The following MYO3B variants were observed in gnomAD, a reference collection of about 807,000 sequenced individuals.
MYO3B encodes the protein myosin IIIB.
Under a neutral mutation model 174.6 loss-of-function variants are expected in MYO3B, and 156 were observed. The ratio of observed to expected loss-of-function variants is 0.89; its 90% CI spans 0.78 to 1.02. MYO3B has a LOEUF of 1.02. Among genes scored for constraint, MYO3B ranks in the 50% least tolerant of loss-of-function variants. MYO3B has a pLI of 0.00. For synonymous variants in MYO3B, 563 were observed against 569.1 expected (o/e 0.99, Z 0.15); for missense variants, 1,632 against 1,639.4 (o/e 1.00, Z 0.08).
chr2:170,221,240 G>C (rs2092897019), intron 6 of MYO3B, among the ~76,000 whole-genome samples: 1 of 152,052 alleles, frequency 6.6e-6, no homozygotes, highest in South Asian at 2.1e-4. Context: ...CAATACCAAT[G>C]CCAGTGGAAT....
At chr2:170,628,873 A>G (rs1696696187) in intron 32 of MYO3B, among the ~76,000 whole-genome samples, 1 of 152,110 alleles carries the variant, frequency 6.6e-6, no homozygotes, top group South Asian at 2.1e-4. Flanking sequence ...GAATCTTCCC[A>G]TAGTCTTTCC....
intron 22 of MYO3B, among the ~76,000 whole-genome samples, chr2:170,425,604 G>C (rs190857948): frequency 4.6e-5 from 7 of 152,290 alleles, no homozygotes; most frequent in African/African-American, 1.4e-4. Context: ...TAACAATAGT[G>C]ATTGCCAGGT....
chr2:170,401,802 C>CTTCTT, intron 18 of MYO3B, 111 bp downstream of exon 18: 1 of 698,088 alleles, frequency 1.4e-6, no homozygotes, highest in Non-Finnish European at 2.2e-6. Flanking sequence ...CTTTCTTTTT[C>CTTCTT]TTTTTTTTTT....
chr2:170,639,980 G>C (rs747643246), intron 32 of MYO3B, among the ~76,000 whole-genome samples: 11 of 152,156 alleles, frequency 7.2e-5, no homozygotes, highest in Admixed American at 4.6e-4. Context: ...TAGAGCTTCC[G>C]CCATCCAGAA....
chr2:170,221,741 T>C (rs1004548645), intron 6 of MYO3B, among the ~76,000 whole-genome samples: 160 of 129,318 alleles, frequency 1.2e-3, no homozygotes, highest in African/African-American at 3.8e-3. Context: ...TCAGTAGAAT[T>C]TTTTTTTAAA....
intron 28 of MYO3B, among the ~76,000 whole-genome samples, chr2:170,512,616 T>TGCCAG (rs1688051276): frequency 6.6e-6 from 1 of 152,180 alleles, no homozygotes; most frequent in Non-Finnish European, 1.5e-5. Flanking sequence ...GGTCACTAAA[T>TGCCAG]GCCAGGCCAG....
intron 25 of MYO3B, among the ~76,000 whole-genome samples, chr2:170,492,053 C>CA (rs60053193): frequency 0.19 from 20,849 of 110,778 alleles, 1,521 homozygotes; most frequent in South Asian, 0.34. Flanking sequence ...GACTCCGTCT[C>CA]AAAAAAAAAA....
At chr2:170,385,218 T>A (rs569499716) in intron 12 of MYO3B, among the ~76,000 whole-genome samples, 2 of 152,252 alleles carry the variant, frequency 1.3e-5, no homozygotes, top group African/African-American at 2.4e-5. Context: ...TCTCTGAATC[T>A]CCTTGTTCAA....
chr2:170,419,922 C>T (rs190049406), intron 22 of MYO3B, among the ~76,000 whole-genome samples: 19 of 152,238 alleles, frequency 1.2e-4, no homozygotes, highest in East Asian at 3.9e-4. Context: ...TGGTGGCTCA[C>T]GCCTGTCATC....
At chr2:170,476,616 C>T (rs1685334771) in intron 25 of MYO3B, among the ~76,000 whole-genome samples, 1 of 151,988 alleles carries the variant, frequency 6.6e-6, no homozygotes, top group African/African-American at 2.4e-5. Context: ...CTTCTATTCT[C>T]TTTCTCTGCC....
intron 8 of MYO3B, among the ~76,000 whole-genome samples, chr2:170,357,351 A>T (rs540604026): frequency 1.4e-5 from 2 of 146,358 alleles, no homozygotes; most frequent in Admixed American, 6.9e-5. Context: ...ATATATATAT[A>T]TTTTATATAT....
At chr2:170,392,264 G>A in intron 15 of MYO3B, 117 bp from the exon 16 acceptor site, 1 of 609,434 alleles carries the variant, frequency 1.6e-6, no homozygotes, top group Non-Finnish European at 2.8e-6. Flanking sequence ...CTGCACTTCA[G>A]GCTGGGCAAC....
chr2:170,231,212 T>C (rs1574622803), intron 6 of MYO3B, among the ~76,000 whole-genome samples: 1 of 151,818 alleles, frequency 6.6e-6, no homozygotes, highest in Non-Finnish European at 1.5e-5. Context: ...TGACTGGGGG[T>C]AGATTTAAGG....
intron 32 of MYO3B, among the ~76,000 whole-genome samples, chr2:170,631,061 A>G (rs931744980): frequency 6.6e-6 from 1 of 152,238 alleles, no homozygotes; most frequent in Non-Finnish European, 1.5e-5. Flanking sequence ...AATGACTTTG[A>G]CGAGTTGAGA....
At chr2:170,448,163 A>G (rs539814413) in intron 23 of MYO3B, among the ~76,000 whole-genome samples, 2 of 152,080 alleles carry the variant, frequency 1.3e-5, no homozygotes, top group African/African-American at 4.8e-5. Flanking sequence ...CAGGAAGGGG[A>G]TTTGTTTTGG....
rs1365177497 is a variant in MYO3B, at chr2:170,206,571, T to G, written c.321+6287T>G. Among the ~76,000 whole-genome samples, 2 of 152,228 alleles carry G rather than the reference T, an allele frequency of 1.3e-5. No individual in the cohort carries two copies. The highest frequency in any genetic ancestry group is 2.4e-5 in the African/African-American group (1 of 41,468). ...CCCCAGCCTGACTAAAGGAGGCAAC[T>G]GATTCTAACCCATTTTGTTAAACTT... On this transcript the variant is annotated intron_variant, in intron 3 of 34. Coordinates refer to ENST00000408978, the MANE Select transcript of MYO3B (RefSeq NM_138995.5). This position sits in a 1 kb window ranked among gnomAD's most constrained non-coding sequence, Gnocchi z 4.3.
In MYO3B at chr2:170,236,078, G is replaced by T. The variant is rs774250061; in HGVS notation, c.691G>T (p.Asp231Tyr). 6.2e-7 allele frequency: 1 copy of T among 1,614,078 alleles called. No homozygotes were observed. Among genetic ancestry groups the T allele is most frequent in the Admixed American group, 1.7e-5 (1 of 59,992 alleles). The change falls in exon 7 of 35, where the codon GAT becomes TAT. Residue 231 changes from aspartate to tyrosine, a missense_variant. Coordinates refer to ENST00000408978, the MANE Select transcript of MYO3B (RefSeq NM_138995.5). ...SLGITAIELG[D>Y]GDPPLFDMHP... ...GGGGATCACAGCTATTGAACTGGGG[G>T]ATGGAGACCCTCCCCTCTTTGACAT...
intron 8 of MYO3B, among the ~76,000 whole-genome samples, chr2:170,336,170 G>C (rs2093946201): frequency 6.6e-6 from 1 of 151,734 alleles, no homozygotes. Flanking sequence ...CCCAAGCTAG[G>C]GGCCTGGTGA....
chr2:170,362,286 T>A (rs2094167423), intron 8 of MYO3B, among the ~76,000 whole-genome samples: 1 of 152,218 alleles, frequency 6.6e-6, no homozygotes, highest in African/African-American at 2.4e-5. Context: ...CCAAGTTTCC[T>A]GCCCAGTGTC....
Sources: gnomAD v4.1 joint callset for allele counts (sites outside exome capture counted in the v4.1 genomes callset) on GRCh38, gnomAD v4.1.1 for gene constraint, Gnocchi (gnomAD v3.1) non-coding constraint, MANE v1.5 for transcripts, NCBI Gene and HGNC (gene_info 2026-07-23, HGNC 2026-07-21) for gene names.